ONECUT1: variants seen among roughly 807,000 people sequenced by gnomAD.
ONECUT1 encodes one cut homeobox 1.
A neutral mutation model predicts 25.6 loss-of-function variants in ONECUT1; 12 were observed. The observed-to-expected ratio is 0.47, with a 90% CI of 0.30 to 0.76. ONECUT1 has a LOEUF of 0.76. Among genes scored for constraint, ONECUT1 ranks in the 30% least tolerant of loss-of-function variants. The pLI is 0.07. For missense variants in ONECUT1, 620 were observed against 651.2 expected, an observed-to-expected ratio of 0.95 and a Z score of 0.52; for synonymous variants, 285 against 270.2, an observed-to-expected ratio of 1.05 and a Z score of -0.54.
chr15:52,788,062 C>A lies in ONECUT1; in HGVS notation c.1105+718G>T, dbSNP rs1054695280. The A allele has an allele frequency of 2.0e-5, 3 of 152,228 alleles. No individual in the cohort carries two copies. The highest frequency in any genetic ancestry group is 7.2e-5 in the African/African-American group (3 of 41,450). 9.4% of individuals were successfully genotyped at this position (152,228 alleles called of 1,614,324 possible). ...TGCAAAGTCCTCAGGGAGTCGGCAG[C>A]GGAGTCGGTCCCAGGACATGGCTAT... On this transcript the variant is annotated intron_variant, in intron 1 of 1. Transcript: ENST00000305901. This position sits in a 1 kb window ranked among gnomAD's most constrained non-coding sequence, Gnocchi z 4.3.
rs754371646 is a variant in ONECUT1, at chr15:52,789,040, T to C, written c.845A>G (p.Asn282Ser). The change falls in exon 1 of 2, where the codon AAT becomes AGT. Residue 282 changes from asparagine (N) to serine (S), a missense_variant. Physicochemically the swap from Asn to Ser is conservative, Grantham distance 46. This residue lies in a region of ONECUT1 where 146 missense variants were observed against 201.8 expected (regional missense o/e 0.72). Coordinates refer to ENST00000305901, the MANE Select transcript of ONECUT1 (RefSeq NM_004498.4). This position sits in a 1 kb window ranked among gnomAD's most constrained non-coding sequence, Gnocchi z 4.1. ...NPSVTGAQVS[N>S]GSNSGQMEEI... ...TTCCATCTGCCCTGAATTACTTCCA[T>C]TGCTGACCTGCGCGCCGGTCACCGA... 1.4e-5 allele frequency: 22 copies of C among 1,604,830 alleles called. No homozygotes were observed. Among genetic ancestry groups the C allele is most frequent in the Non-Finnish European group, 4.2e-6 (5 of 1,179,980 alleles).
At chr15:52,774,255 A>G (rs993230502) in intron 1 of ONECUT1, among the ~76,000 whole-genome samples, 4 of 152,090 alleles carry the variant, frequency 2.6e-5, no homozygotes, top group African/African-American at 9.7e-5. Context: ...CAAAGGATGT[A>G]TATAATACTA....
Position 52,755,520 on chromosome 15 carries a change from C to T in ONECUT1, c.*2035G>A, listed in dbSNP as rs966925535. Among the ~76,000 whole-genome samples the T allele has an allele frequency of 3.3e-5, 5 of 152,138 alleles. No homozygotes were observed. In the East Asian group the frequency reaches 5.8e-4, roughly 18 times the overall value. ...TATATGTTGGTTTCCTCTTCTCATT[C>T]GACAGCAGACATGAAGGAGACACAG... On this transcript the variant is annotated 3_prime_UTR_variant, in exon 2 of 2. Transcript: ENST00000305901.
chr15:52,765,241 G>A (rs2083727361), intron 1 of ONECUT1, among the ~76,000 whole-genome samples: 1 of 152,210 alleles, frequency 6.6e-6, no homozygotes, highest in South Asian at 2.1e-4. Context: ...TGATGAAAAT[G>A]TTCTAAAATT....
At position 52,777,731 on chromosome 15, in the gene ONECUT1, C is replaced by CAAAAAA. The variant is rs1370694948; in HGVS notation, c.1105+11048_1105+11049insTTTTTT. ...ACACACACACACACACACACACACACACACACAAAAAAACATGTAAAGTTA... is the reference window on the plus strand; with the variant it reads ...ACACACACACACACACACACACACACAAAAAAACACACAAAAAAACATGTAAAGTTA... On this transcript the variant is annotated intron_variant, in intron 1 of 1. Transcript: ENST00000305901. Among the ~76,000 whole-genome samples the CAAAAAA allele has an allele frequency of 8.3e-4, 70 of 84,236 alleles. 4 individuals are homozygous for CAAAAAA. In the East Asian group the frequency reaches 9.9e-3, roughly 12 times the overall value. The allele number at this position is 84,236 out of a possible 152,430, so 55.3% of individuals were successfully genotyped here. A position where few individuals can be genotyped will look rare whatever the true frequency, so the allele number is the denominator to read the frequency against.
At chr15:52,760,842 T>C (rs994396187) in intron 1 of ONECUT1, among the ~76,000 whole-genome samples, 2 of 151,124 alleles carry the variant, frequency 1.3e-5, no homozygotes, top group South Asian at 2.1e-4. Context: ...TCTGGTGGAG[T>C]TGTGGAGGGA....
At position 52,789,170 on chromosome 15, in the gene ONECUT1, C is replaced by T. The variant is rs751927757; in HGVS notation, c.715G>A (p.Ala239Thr). 1.3e-6 allele frequency: 2 copies of T among 1,587,688 alleles called. No homozygotes were observed. Among genetic ancestry groups the T allele is most frequent in the South Asian group, 2.2e-5 (2 of 89,378 alleles). Residue 239 changes from alanine (A) to threonine (T), a missense_variant, in exon 1 of 2, where the codon GCC (alanine) becomes ACC (threonine). Transcript: ENST00000305901. The surrounding 1 kb of genome is among the most constrained non-coding windows in gnomAD (Gnocchi z 4.1). The part of the protein sequence containing the change: ...HGEQHLTPTS[A>T]GMVPINGLPP... ...AGGCCGTTGATGGGCACCATGCCGGCCGAGGTGGGCGTGAGGTGCTGCTCC... is the reference window on the plus strand; with the variant it reads ...AGGCCGTTGATGGGCACCATGCCGGTCGAGGTGGGCGTGAGGTGCTGCTCC...
intron 1 of ONECUT1, among the ~76,000 whole-genome samples, chr15:52,760,406 T>A (rs1371552554): frequency 3.9e-5 from 6 of 152,232 alleles, no homozygotes; most frequent in African/African-American, 1.4e-4. Context: ...GATGGCTGAT[T>A]CATTGACTTA....
At chr15:52,763,078 T>C (rs1237443108) in intron 1 of ONECUT1, among the ~76,000 whole-genome samples, 44 of 152,168 alleles carry the variant, frequency 2.9e-4, no homozygotes, top group Admixed American at 2.9e-3. Context: ...TATTTTTATG[T>C]AGGGGTACAG....
chr15:52,790,043 G>T lies in ONECUT1; in HGVS notation c.-159C>A. ...TCTCTCTCTCTCTCTCTCTCCGTGT[G>T]TGTGTGTCCGTGTGTGCGTGTGCGT... On this transcript the variant is annotated 5_prime_UTR_variant, in exon 1 of 2. Coordinates refer to ENST00000305901, the MANE Select transcript of ONECUT1 (RefSeq NM_004498.4). The T allele has an allele frequency of 9.0e-7, 1 of 1,108,282 alleles. No individual in the cohort carries two copies. Among genetic ancestry groups the T allele is most frequent in the Non-Finnish European group, 1.2e-6 (1 of 854,814 alleles). 68.7% of individuals were successfully genotyped at this position (1,108,282 alleles called of 1,614,324 possible).
chr15:52,773,638 G>A (rs2083781955), intron 1 of ONECUT1, among the ~76,000 whole-genome samples: 1 of 152,268 alleles, frequency 6.6e-6, no homozygotes, highest in South Asian at 2.1e-4. Context: ...CATCAAAGAA[G>A]TGGCACATTC....
intron 1 of ONECUT1, chr15:52,786,950 G>A (rs1566994972): frequency 6.6e-6 from 1 of 152,464 alleles, no homozygotes; most frequent in South Asian, 2.1e-4. Context: ...GCACTGCCTG[G>A]GTAAGAGGCC....
chr15:52,766,911 C>A (rs540638262), intron 1 of ONECUT1, among the ~76,000 whole-genome samples: 164 of 152,270 alleles, frequency 1.1e-3, no homozygotes, highest in African/African-American at 3.8e-3. Context: ...TGGTGATGGA[C>A]CTGTCTTCTC....
chr15:52,766,291 C>T (rs1376611638), intron 1 of ONECUT1, among the ~76,000 whole-genome samples: 2 of 150,138 alleles, frequency 1.3e-5, no homozygotes, highest in African/African-American at 2.5e-5. Context: ...AGCTTGCCTG[C>T]GGGCTGGTTA....
rs1202462578 is a variant in ONECUT1 at position 52,789,496 on chromosome 15, T to C, written c.389A>G (p.His130Arg). The change falls in exon 1 of 2, where the codon CAT becomes CGT. Residue 130 changes from histidine (H) to arginine (R), a missense_variant. This residue lies in a region of ONECUT1 where 440 missense variants were observed against 404.9 expected (regional missense o/e 1.09). Transcript: ENST00000305901. This position sits in a 1 kb window ranked among gnomAD's most constrained non-coding sequence, Gnocchi z 4.1. ...DKFPHHHHHH[H>R]HHHHPHHHQR... ...GTGGTGGTGCGGGTGGTGGTGGTGA[T>C]GGTGGTGGTGGTGATGGTGGGGGAA... The C allele has an allele frequency of 6.2e-7, 1 of 1,610,194 alleles. No individual in the cohort carries two copies. The highest frequency in any genetic ancestry group is 8.5e-7 in the Non-Finnish European group (1 of 1,178,298).
chr15:52,760,209 A>G (rs573088746), intron 1 of ONECUT1, among the ~76,000 whole-genome samples: 3 of 151,892 alleles, frequency 2.0e-5, no homozygotes, highest in Non-Finnish European at 4.4e-5. Flanking sequence ...TAAATGTCCA[A>G]CTCCCTCAGA....
intron 1 of ONECUT1, among the ~76,000 whole-genome samples, chr15:52,778,995 C>CT (rs547428108): frequency 0.28 from 40,027 of 141,070 alleles, 9,439 homozygotes; most frequent in African/African-American, 0.66. Context: ...AGAGGGTTTT[C>CT]TTTTTTTTTT....
intron 1 of ONECUT1, among the ~76,000 whole-genome samples, chr15:52,761,278 G>T (rs1178932808): frequency 6.6e-6 from 1 of 152,134 alleles, no homozygotes; most frequent in East Asian, 1.9e-4. Context: ...CCCCCAGGGG[G>T]ATTATTTGCC....
intron 1 of ONECUT1, among the ~76,000 whole-genome samples, chr15:52,777,737 C>CGCAAAAAA (rs2083812031): frequency 9.7e-6 from 1 of 103,450 alleles, no homozygotes. Context: ...CACACACACA[C>CGCAAAAAA]AAAAAAACAT....
Sources: gnomAD v4.1 joint callset for allele counts (sites outside exome capture counted in the v4.1 genomes callset) on GRCh38, gnomAD v4.1.1 for gene constraint, gnomAD v4.1.1 regional missense constraint, Gnocchi (gnomAD v3.1) non-coding constraint, MANE v1.5 for transcripts, NCBI Gene and HGNC (gene_info 2026-07-23, HGNC 2026-07-21) for gene names.